The following PCBD2 variants were observed in gnomAD, a reference collection of about 807,000 sequenced individuals.
PCBD2 encodes pterin-4-alpha-carbinolamine dehydratase 2.
In PCBD2, 12 loss-of-function variants were observed where a neutral mutation model predicts 16.4. The observed-to-expected ratio is 0.73, with a 90% CI of 0.47 to 1.19. The LOEUF (loss-of-function observed/expected upper bound fraction) is 1.19, where lower values mean the gene tolerates loss of function less well. PCBD2 is among the 50% of genes most tolerant of loss of function. PCBD2 has a pLI of 0.00. For synonymous variants in PCBD2, 58 were observed against 61.8 expected, an observed-to-expected ratio of 0.94 and a Z score of 0.29; for missense variants, 138 against 156.8, an observed-to-expected ratio of 0.88 and a Z score of 0.64.
chr5:134,927,472 A>G (rs1751025178), intron 2 of PCBD2: 1 of 398,248 alleles, frequency 2.5e-6, no homozygotes. Context: ...TTGGCTCAGG[A>G]GTTTGATAGT....
chr5:134,952,610 G>A (rs957346198), intron 2 of PCBD2, among the ~76,000 whole-genome samples: 7 of 152,046 alleles, frequency 4.6e-5, no homozygotes, highest in African/African-American at 1.4e-4. Context: ...TCAAGACCAG[G>A]CTGGGCAACA....
chr5:134,915,447 T>C lies in PCBD2; in HGVS notation c.216+4981T>C, dbSNP rs889536705. Among the ~76,000 whole-genome samples, 134 of 142,128 alleles carry C rather than the reference T, an allele frequency of 9.4e-4. No homozygotes were observed. The East Asian group carries it at 0.024, about 25-fold the overall frequency. 93.2% of individuals were successfully genotyped at this position (142,128 alleles called of 152,430 possible). A position where few individuals can be genotyped will look rare whatever the true frequency, so the allele number is the denominator to read the frequency against. On this transcript the variant is annotated intron_variant, in intron 2 of 3. Transcript: ENST00000254908. Reference sequence around the variant, plus strand: ...CTGATGGGCCTCTAATTTTTTTTTTTTTTTTTTTTTTTTTTTTGAGACAGG... The same window carrying C: ...CTGATGGGCCTCTAATTTTTTTTTTCTTTTTTTTTTTTTTTTTGAGACAGG...
intron 2 of PCBD2, among the ~76,000 whole-genome samples, chr5:134,934,940 A>T (rs1312979487): frequency 6.6e-6 from 1 of 152,252 alleles, no homozygotes; most frequent in Non-Finnish European, 1.5e-5. Context: ...TGTAGAAGCT[A>T]TCCAACATTT....
At chr5:134,935,514 A>T (rs968940866) in intron 2 of PCBD2, among the ~76,000 whole-genome samples, 6 of 152,352 alleles carry the variant, frequency 3.9e-5, no homozygotes, top group Admixed American at 1.3e-4. Context: ...TTATGAATGC[A>T]ATAATGATTC....
At chr5:134,959,984 G>C (rs1457258448) in intron 3 of PCBD2, among the ~76,000 whole-genome samples, 1 of 142,072 alleles carries the variant, frequency 7.0e-6, no homozygotes, top group Non-Finnish European at 1.5e-5. Context: ...TCCACCTCCC[G>C]GGTTCAAGCG....
chr5:134,944,120 G>A (rs1751264088), intron 2 of PCBD2, among the ~76,000 whole-genome samples: 1 of 152,184 alleles, frequency 6.6e-6, no homozygotes, highest in South Asian at 2.1e-4. Context: ...TATTTTCAGT[G>A]AATTGTTATC....
rs1252326595 is a variant in PCBD2 at position 134,960,615 on chromosome 5, T to G, written c.327T>G (p.Cys109Trp). The change falls in exon 4 of 4, where the codon TGT becomes TGG. Residue 109 changes from cysteine (C) to tryptophan (W), a missense_variant. Physicochemically the swap from Cys to Trp is radical, Grantham distance 215. Coordinates refer to ENST00000254908, the MANE Select transcript of PCBD2 (RefSeq NM_032151.5). ...AGATAACTCTCACCTCACATGACTG[T>G]GGTGAACTGACCAAAAAAGATGTGA... ...KVQITLTSHD[C>W]GELTKKDVKL... The G allele has an allele frequency of 6.2e-7, 1 of 1,613,148 alleles. No individual in the cohort carries two copies. The highest frequency in any genetic ancestry group is 8.5e-7 in the Non-Finnish European group (1 of 1,179,226).
intron 2 of PCBD2, among the ~76,000 whole-genome samples, chr5:134,914,315 T>A (rs1013201256): frequency 6.6e-6 from 1 of 151,820 alleles, no homozygotes; most frequent in African/African-American, 2.4e-5. Context: ...CCTGGGGAGA[T>A]AAGAGAAGGA....
At chr5:134,926,500 G>C in intron 2 of PCBD2, 1 of 394,860 alleles carries the variant, frequency 2.5e-6, no homozygotes, top group Non-Finnish European at 4.5e-6. Flanking sequence ...TGGGGCCTAA[G>C]ACCAACGGAT....
intron 2 of PCBD2, among the ~76,000 whole-genome samples, chr5:134,928,827 C>T (rs571573784): frequency 2.0e-5 from 3 of 152,228 alleles, no homozygotes; most frequent in Non-Finnish European, 2.9e-5. Context: ...TCCCAGATTT[C>T]GGGCCTGGAG....
chr5:134,954,020 T>C (rs1361317253), intron 2 of PCBD2, among the ~76,000 whole-genome samples: 1 of 152,132 alleles, frequency 6.6e-6, no homozygotes, highest in Non-Finnish European at 1.5e-5. Context: ...CAGTGGAGTA[T>C]GATCATAGCT....
chr5:134,919,946 G>A (rs892522043), intron 2 of PCBD2, among the ~76,000 whole-genome samples: 2 of 152,108 alleles, frequency 1.3e-5, no homozygotes, highest in Non-Finnish European at 2.9e-5. Context: ...TACAAATATT[G>A]GGTGCCTGAT....
intron 2 of PCBD2, among the ~76,000 whole-genome samples, chr5:134,954,278 C>T (rs1751391296): frequency 6.6e-6 from 1 of 152,142 alleles, no homozygotes. Context: ...TTAAGTTTTA[C>T]ACATTTAAGT....
intron 2 of PCBD2, among the ~76,000 whole-genome samples, chr5:134,934,228 C>T (rs1204613842): frequency 6.6e-6 from 1 of 151,914 alleles, no homozygotes; most frequent in African/African-American, 2.4e-5. Context: ...GGTGATATTG[C>T]TGGTTCTCAA....
At position 134,915,176 on chromosome 5, in the gene PCBD2, G is replaced by A. The variant is rs188535862; in HGVS notation, c.216+4710G>A. 3.7e-4 allele frequency among the ~76,000 whole-genome samples: 57 copies of A among 152,022 alleles called. No individual in the cohort carries two copies. In the East Asian group the frequency reaches 8.1e-3, roughly 22 times the overall value. On this transcript the variant is annotated intron_variant, in intron 2 of 3. Coordinates refer to ENST00000254908, the MANE Select transcript of PCBD2 (RefSeq NM_032151.5). ...CCAAAAATACAAAAATTAACCAGGCGTGGTGGCGTGCGCCTGTAATCCCAG... is the reference window on the plus strand; with the variant it reads ...CCAAAAATACAAAAATTAACCAGGCATGGTGGCGTGCGCCTGTAATCCCAG...
At position 134,962,072 on chromosome 5, in the gene PCBD2, T is replaced by TTGTGTGTGTGTGTGTGTGTGTGTG. The variant is rs58911694; in HGVS notation, c.*1403_*1426dup. On this transcript the variant is annotated 3_prime_UTR_variant, in exon 4 of 4. Coordinates refer to ENST00000254908, the MANE Select transcript of PCBD2 (RefSeq NM_032151.5). ...CATTGCCCCCAGCCAGTATAACAGT[T>TTGTGTGTGTGTGTGTGTGTGTGTG]TGTGTGTGTGTGTGTGTGTGTGTGT... is the stretch of plus-strand genomic sequence containing the variant. 2.3e-4 allele frequency among the ~76,000 whole-genome samples: 32 copies of TTGTGTGTGTGTGTGTGTGTGTGTG among 140,590 alleles called. No homozygotes were observed. Among genetic ancestry groups the TTGTGTGTGTGTGTGTGTGTGTGTG allele is most frequent in the African/African-American group, 8.4e-4 (31 of 37,062 alleles). The allele number at this position is 140,590 out of a possible 152,430, so 92.2% of individuals were successfully genotyped here. A position where few individuals can be genotyped will look rare whatever the true frequency, so the allele number is the denominator to read the frequency against.
intron 2 of PCBD2, among the ~76,000 whole-genome samples, chr5:134,912,728 T>C (rs1189733943): frequency 6.6e-6 from 1 of 152,200 alleles, no homozygotes; most frequent in South Asian, 2.1e-4. Context: ...TCATCCATCA[T>C]GGTCACAGAG....
chr5:134,917,203 T>G (rs1750843845), intron 2 of PCBD2, among the ~76,000 whole-genome samples: 1 of 152,194 alleles, frequency 6.6e-6, no homozygotes, highest in Admixed American at 6.5e-5. Context: ...TAAAAGTAGG[T>G]GCAGAAGGTG....
intron 2 of PCBD2, among the ~76,000 whole-genome samples, chr5:134,946,067 T>C (rs1023697268): frequency 6.6e-6 from 1 of 151,002 alleles, no homozygotes; most frequent in Non-Finnish European, 1.5e-5. Flanking sequence ...TTAAAATTAT[T>C]ATTAAATAAA....
Sources: gnomAD v4.1 joint callset for allele counts (sites outside exome capture counted in the v4.1 genomes callset) on GRCh38, gnomAD v4.1.1 for gene constraint, MANE v1.5 for transcripts, NCBI Gene and HGNC (gene_info 2026-07-23, HGNC 2026-07-21) for gene names.